MAF: variants seen among roughly 807,000 people sequenced by gnomAD.
MAF encodes the protein MAF bZIP transcription factor.
In MAF, 10 loss-of-function variants were observed where a neutral mutation model predicts 22.0. The observed-to-expected ratio is 0.45, with a 90% CI of 0.28 to 0.77. MAF has a LOEUF of 0.77. MAF is among the 30% of genes least tolerant of loss of function. The pLI is 0.12. For missense variants in MAF, 544 were observed against 548.4 expected (o/e 0.99, Z 0.08); for synonymous variants, 337 against 255.8 (o/e 1.32, Z -3.03).
chr16:79,551,796 T>C, the MAF span, among the ~76,000 whole-genome samples: 2 of 152,226 alleles, frequency 1.3e-5, no homozygotes, highest in Non-Finnish European at 2.9e-5. Flanking sequence ...CATCCACGGA[T>C]GCTTCACACC....
At chr16:79,351,735 G>T in the MAF span, among the ~76,000 whole-genome samples, 2 of 151,994 alleles carry the variant, frequency 1.3e-5, no homozygotes, top group East Asian at 3.9e-4. Context: ...ACTGAGGTGT[G>T]GCAGGAAGTG....
chr16:79,564,241 G>A, the MAF span, among the ~76,000 whole-genome samples: 3 of 152,196 alleles, frequency 2.0e-5, no homozygotes, highest in South Asian at 2.1e-4. Flanking sequence ...AGGAGAAGAC[G>A]GAAGGAGTAT....
chr16:79,302,918 C>T, the MAF span, among the ~76,000 whole-genome samples: 2 of 152,320 alleles, frequency 1.3e-5, no homozygotes, highest in South Asian at 4.1e-4. Flanking sequence ...AAAAGTGGTA[C>T]CATTCGGCAC....
chr16:79,490,068 C>G, the MAF span, among the ~76,000 whole-genome samples: 1 of 152,174 alleles, frequency 6.6e-6, no homozygotes, highest in African/African-American at 2.4e-5. Flanking sequence ...AGTGTCTACA[C>G]CTGTGTGTGG....
At chr16:79,355,806 G>C in the MAF span, among the ~76,000 whole-genome samples, 1 of 152,150 alleles carries the variant, frequency 6.6e-6, no homozygotes, top group Non-Finnish European at 1.5e-5. Context: ...TGGGCGGCGT[G>C]TGGGGAGGGG....
chr16:79,431,174 C>T, the MAF span, among the ~76,000 whole-genome samples: 1 of 152,166 alleles, frequency 6.6e-6, no homozygotes, highest in Non-Finnish European at 1.5e-5. Flanking sequence ...CATCCCTCAA[C>T]CAAGCATTTT....
At chr16:79,502,536 C>T in the MAF span, among the ~76,000 whole-genome samples, 2 of 151,368 alleles carry the variant, frequency 1.3e-5, no homozygotes, top group African/African-American at 4.9e-5. Context: ...CGTGGTGGTG[C>T]ACACCTGTAG....
rs79976597 is a variant in MAF at position 79,595,547 on chromosome 16, A to G, written c.1119-994T>C. 12 of 1,060,132 alleles carry G rather than the reference A, an allele frequency of 1.1e-5. No individual in the cohort carries two copies. In the East Asian group the frequency reaches 5.7e-4, roughly 50 times the overall value. The allele number at this position is 1,060,132 out of a possible 1,614,324, so 65.7% of individuals were successfully genotyped here. On this transcript the variant is annotated intron_variant, in intron 1 of 1. Coordinates refer to ENST00000326043, the MANE Select transcript of MAF (RefSeq NM_005360.5). ...GATGACTAAGAGTGCAAACTGCATG[A>G]ATTTGTAACATTAGTTTCATGAATT...
At chr16:79,397,655 G>C in the MAF span, among the ~76,000 whole-genome samples, 255 of 152,316 alleles carry the variant, frequency 1.7e-3, no homozygotes, top group African/African-American at 5.9e-3. Flanking sequence ...TCCAGGGCTT[G>C]CTAGTTCCCT....
chr16:79,217,218 G>T, the MAF span, among the ~76,000 whole-genome samples: 1 of 152,200 alleles, frequency 6.6e-6, no homozygotes, highest in African/African-American at 2.4e-5. Flanking sequence ...GTTTTAGAGA[G>T]AAAGTAACCT....
At chr16:79,598,383 C>A (rs1913699516) in intron 1 of MAF, 2 of 1,179,476 alleles carry the variant, frequency 1.7e-6, no homozygotes, top group Middle Eastern at 3.6e-4. Context: ...CAAAGGTGAT[C>A]AACGTTTCAC....
the MAF span, among the ~76,000 whole-genome samples, chr16:79,419,619 G>A: frequency 1.4e-4 from 21 of 152,222 alleles, no homozygotes; most frequent in East Asian, 5.8e-4. Flanking sequence ...GATCTGACCC[G>A]TTCCTCTTTG....
the MAF span, among the ~76,000 whole-genome samples, chr16:79,545,192 T>C: frequency 6.6e-6 from 1 of 152,010 alleles, no homozygotes; most frequent in African/African-American, 2.4e-5. Flanking sequence ...GAAAAAAAAG[T>C]GAGAAAGGGC....
At chr16:79,508,244 G>A in the MAF span, among the ~76,000 whole-genome samples, 1 of 152,202 alleles carries the variant, frequency 6.6e-6, no homozygotes, top group Non-Finnish European at 1.5e-5. Flanking sequence ...AGGCCGCGTG[G>A]TGTCTGGATT....
chr16:79,248,690 T>C, the MAF span, among the ~76,000 whole-genome samples: 2 of 152,174 alleles, frequency 1.3e-5, no homozygotes, highest in Non-Finnish European at 2.9e-5. Context: ...TTTCTGAAGA[T>C]AGGGATTTTA....
chr16:79,281,119 C>A, the MAF span, among the ~76,000 whole-genome samples: 1 of 151,890 alleles, frequency 6.6e-6, no homozygotes, highest in African/African-American at 2.4e-5. Flanking sequence ...GAATGATTAT[C>A]CAGAGGCTAC....
At chr16:79,214,694 T>A in the MAF span, among the ~76,000 whole-genome samples, 1 of 130,056 alleles carries the variant, frequency 7.7e-6, no homozygotes, top group African/African-American at 2.9e-5. Context: ...TGTGAGCCAC[T>A]GTGCCTGGCT....
the MAF span, among the ~76,000 whole-genome samples, chr16:79,558,451 G>C: frequency 2.0e-5 from 3 of 152,196 alleles, no homozygotes; most frequent in African/African-American, 7.2e-5. Context: ...AATGATCATA[G>C]TTCAGTCCTC....
chr16:79,407,272 A>G, the MAF span, among the ~76,000 whole-genome samples: 1 of 152,190 alleles, frequency 6.6e-6, no homozygotes, highest in Non-Finnish European at 1.5e-5. Flanking sequence ...GACGGGGGAC[A>G]GGGGCCTCTT....
Sources: allele counts gnomAD v4.1 joint callset (sites outside exome capture counted in the v4.1 genomes callset), GRCh38; gene constraint gnomAD v4.1.1; transcripts MANE v1.5; gene names NCBI Gene and HGNC (gene_info 2026-07-23, HGNC 2026-07-21).